EDA: variants seen among roughly 807,000 people sequenced by gnomAD.
The protein encoded by EDA is ectodysplasin A.
In EDA, 2 loss-of-function variants were observed where a neutral mutation model predicts 23.6. The ratio of observed to expected loss-of-function variants is 0.08; its 90% CI spans 0.03 to 0.27. The LOEUF (loss-of-function observed/expected upper bound fraction) is 0.27. EDA is among the 10% of genes least tolerant of loss of function. The pLI is 1.00. For synonymous variants in EDA, 131 were observed against 132.0 expected, an observed-to-expected ratio of 0.99 and a Z score of 0.05; for missense variants, 229 against 324.2, an observed-to-expected ratio of 0.71 and a Z score of 2.26.
At chrX:69,627,807 A>G (rs1932441987) in intron 1 of EDA, among the ~76,000 whole-genome samples, 1 of 111,550 alleles carries the variant, frequency 9.0e-6, no homozygotes, top group Admixed American at 9.5e-5. Context: ...TGGAAAATCA[A>G]TTCATAAACT....
At chrX:69,735,122 A>G (rs1003062788) in intron 1 of EDA, among the ~76,000 whole-genome samples, 18 of 111,820 alleles carry the variant, frequency 1.6e-4, no homozygotes, top group African/African-American at 5.8e-4. Flanking sequence ...AAAACAACCC[A>G]AGTGTTCATT....
intron 1 of EDA, among the ~76,000 whole-genome samples, chrX:69,789,001 GT>G (rs2015307321): frequency 8.9e-6 from 1 of 112,656 alleles, no homozygotes; most frequent in African/African-American, 3.2e-5. Context: ...GTGGTGCCCC[GT>G]TTTTTTAGCC....
intron 1 of EDA, among the ~76,000 whole-genome samples, chrX:69,638,315 G>A (rs1239242506): frequency 8.9e-6 from 1 of 112,026 alleles, no homozygotes; most frequent in Non-Finnish European, 1.9e-5. Flanking sequence ...TGACATACAA[G>A]CAAGAGAAGT....
At chrX:70,025,451 G>C (rs1200372562) in intron 3 of EDA, among the ~76,000 whole-genome samples, 3 of 111,170 alleles carry the variant, frequency 2.7e-5, no homozygotes, top group Non-Finnish European at 5.7e-5. Flanking sequence ...CTTCCTGACT[G>C]CAAGGGGTAA....
intron 1 of EDA, among the ~76,000 whole-genome samples, chrX:69,849,678 T>C (rs1439541774): frequency 8.9e-6 from 1 of 112,254 alleles, no homozygotes; most frequent in Non-Finnish European, 1.9e-5. Flanking sequence ...GTTGTTTTCT[T>C]GCTCCACTCT....
At chrX:69,839,430 A>C (rs1226402308) in intron 1 of EDA, among the ~76,000 whole-genome samples, 1 of 112,294 alleles carries the variant, frequency 8.9e-6, no homozygotes, top group Non-Finnish European at 1.9e-5. Flanking sequence ...ACATTTTGTC[A>C]CATGGCTTAG....
At chrX:69,743,312 G>T in intron 1 of EDA, among the ~76,000 whole-genome samples, 1 of 111,778 alleles carries the variant, frequency 8.9e-6, no homozygotes, top group Non-Finnish European at 1.9e-5. Context: ...CTAAGGCATT[G>T]CTTATGGTAC....
At chrX:69,759,113 C>CT (rs758255475) in intron 1 of EDA, among the ~76,000 whole-genome samples, 9 of 112,331 alleles carry the variant, frequency 8.0e-5, no homozygotes, top group Non-Finnish European at 1.3e-4. Context: ...TTTCTTTCCT[C>CT]TTCTTTCTAG....
At chrX:69,722,106 G>A (rs768819299) in intron 1 of EDA, among the ~76,000 whole-genome samples, 9 of 111,854 alleles carry the variant, frequency 8.0e-5, no homozygotes, top group South Asian at 3.7e-4. Flanking sequence ...ATCCTAGGAC[G>A]AGTGCTTCTT....
intron 1 of EDA, among the ~76,000 whole-genome samples, chrX:69,791,102 A>G (rs1272536573): frequency 9.0e-6 from 1 of 111,694 alleles, no homozygotes; most frequent in Non-Finnish European, 1.9e-5. Flanking sequence ...GTATGATGGA[A>G]TGGACTCCCC....
At position 69,822,189 on chromosome X, in the gene EDA, G is replaced by A. The variant is rs781337405; in HGVS notation, c.397-134838G>A. On this transcript the variant is annotated intron_variant, in intron 1 of 7. Coordinates refer to ENST00000374552, the MANE Select transcript of EDA (RefSeq NM_001399.5). ...AGTCCTAGCTACTTGGGAAGCAGAT[G>A]CAGGAGGATGACTTGAGCCAAGGAG... Among the ~76,000 whole-genome samples, 3 of 110,893 alleles carry A rather than the reference G, an allele frequency of 2.7e-5. No individual in the cohort carries two copies. In the Admixed American group the frequency reaches 2.9e-4, roughly 11 times the overall value.
At chrX:69,636,410 T>A (rs1932775299) in intron 1 of EDA, among the ~76,000 whole-genome samples, 1 of 110,519 alleles carries the variant, frequency 9.0e-6, no homozygotes, top group African/African-American at 3.3e-5. Context: ...CCTCTTTTTA[T>A]TAGTAAATCA....
At chrX:69,936,475 T>C (rs991447323) in intron 1 of EDA, among the ~76,000 whole-genome samples, 26 of 111,954 alleles carry the variant, frequency 2.3e-4, no homozygotes, top group African/African-American at 8.4e-4. Flanking sequence ...AAACATTATG[T>C]ACAGAAACAG....
chrX:69,704,026 A>C (rs1438778877), intron 1 of EDA, among the ~76,000 whole-genome samples: 2 of 112,138 alleles, frequency 1.8e-5, no homozygotes, highest in East Asian at 5.6e-4. Context: ...TGATGAAAAG[A>C]GTTGAACTCT....
intron 1 of EDA, among the ~76,000 whole-genome samples, chrX:69,776,420 A>G (rs1201230049): frequency 9.0e-6 from 1 of 110,866 alleles, no homozygotes; most frequent in Non-Finnish European, 1.9e-5. Context: ...GTCTCAAGAG[A>G]TCTGATGGTT....
chrX:69,992,375 T>C (rs2019600135), intron 2 of EDA, among the ~76,000 whole-genome samples: 1 of 112,664 alleles, frequency 8.9e-6, no homozygotes, highest in African/African-American at 3.2e-5. Context: ...ATATTTTCAA[T>C]TGTAATAAGT....
At chrX:69,800,056 C>T (rs1033902289) in intron 1 of EDA, among the ~76,000 whole-genome samples, 1 of 111,479 alleles carries the variant, frequency 9.0e-6, no homozygotes, top group Non-Finnish European at 1.9e-5. Flanking sequence ...GGAGTTATTC[C>T]TTTTGCAGCA....
chrX:69,911,693 C>T lies in EDA; in HGVS notation c.397-45334C>T, dbSNP rs2018268544. Among the ~76,000 whole-genome samples, 5 of 112,052 alleles carry T rather than the reference C, an allele frequency of 4.5e-5. No individual in the cohort carries two copies. The Admixed American group carries it at 4.7e-4, about 11-fold the overall frequency. ...GTATAAAAGTTATGTTTACATGATA[C>T]TATAGTCTGTTAAGTGTGCAATAGC... On this transcript the variant is annotated intron_variant, in intron 1 of 7. Coordinates refer to ENST00000374552, the MANE Select transcript of EDA (RefSeq NM_001399.5).
chrX:69,684,575 A>G (rs1368495814), intron 1 of EDA, among the ~76,000 whole-genome samples: 1 of 111,968 alleles, frequency 8.9e-6, no homozygotes, highest in Non-Finnish European at 1.9e-5. Flanking sequence ...GGACAACTCG[A>G]CTAACTCCTT....
Sources: allele counts gnomAD v4.1 joint callset (sites outside exome capture counted in the v4.1 genomes callset), GRCh38; gene constraint gnomAD v4.1.1; transcripts MANE v1.5; gene names NCBI Gene and HGNC (gene_info 2026-07-23, HGNC 2026-07-21).